PATJ: variants seen among roughly 807,000 people sequenced by gnomAD.
PATJ encodes PATJ crumbs cell polarity complex component, also known as inaD-like protein.
In PATJ, 190 loss-of-function variants were observed where a neutral mutation model predicts 224.9. The observed-to-expected ratio is 0.84, with a 90% CI of 0.75 to 0.95. The LOEUF is 0.95. Ranked by LOEUF, PATJ falls within the 40% of genes least tolerant of loss-of-function variation. The pLI is 0.00. For missense variants in PATJ, 2,121 were observed against 2,270.3 expected (o/e 0.93, Z 1.34); for synonymous variants, 769 against 820.3 (o/e 0.94, Z 1.07).
In PATJ at chr1:61,766,352, G is replaced by T. The variant is rs1570353679; in HGVS notation, c.263G>T (p.Gly88Val). ...SRKGLLVFTD[G>V]SITNGNVHRP... ...AAAGGTTTGTTAGTGTTCACAGATG[G>T]TTCCATCACTAATGGAAATGTCCAC... The change falls in exon 4 of 44, where the codon GGT (glycine) becomes GTT (valine). Residue 88 changes from glycine (G) to valine (V), a missense_variant. Transcript: ENST00000642238. The T allele has an allele frequency of 6.2e-7, 1 of 1,608,388 alleles. No individual in the cohort carries two copies. The highest frequency in any genetic ancestry group is 8.5e-7 in the Non-Finnish European group (1 of 1,175,628).
chr1:62,104,543 C>A (rs1662644913), intron 33 of PATJ, among the ~76,000 whole-genome samples: 1 of 151,978 alleles, frequency 6.6e-6, no homozygotes, highest in South Asian at 2.1e-4. Flanking sequence ...GAAATGTGGC[C>A]TTTTTTTCCC....
At chr1:62,155,155 G>A (rs1219696579) in intron 43 of PATJ, among the ~76,000 whole-genome samples, 3 of 152,194 alleles carry the variant, frequency 2.0e-5, no homozygotes, top group Admixed American at 6.5e-5. Flanking sequence ...TGGGAAGGCT[G>A]CAGAGTTAGC....
In PATJ at chr1:61,861,591, G is replaced by A. The variant is rs767488126; in HGVS notation, c.2363G>A (p.Ser788Asn). 3 of 1,478,794 alleles carry A rather than the reference G, an allele frequency of 2.0e-6. No individual in the cohort carries two copies. The highest frequency in any genetic ancestry group is 2.5e-5 in the East Asian group (1 of 39,704). The allele number at this position is 1,478,794 out of a possible 1,614,324, so 91.6% of individuals were successfully genotyped here. The change falls in exon 19 of 44, where the codon AGC becomes AAC. Residue 788 changes from serine to asparagine, a missense_variant. Ser to Asn is a conservative substitution (Grantham distance 46). Coordinates refer to ENST00000642238, the MANE Select transcript of PATJ (RefSeq NM_001350145.3). ...EEESCYILHS[S>N]SNEDKTEFSG... is the part of the protein sequence containing the mutation. Reference sequence around the variant, plus strand: ...GAAAGTTGTTATATTTTACATTCAAGCAGTAATGAAGACAAGACTGAATTT... The same window carrying A: ...GAAAGTTGTTATATTTTACATTCAAACAGTAATGAAGACAAGACTGAATTT...
chr1:61,844,722 A>T (rs1029505230), intron 17 of PATJ, among the ~76,000 whole-genome samples: 1 of 152,028 alleles, frequency 6.6e-6, no homozygotes, highest in Admixed American at 6.6e-5. Flanking sequence ...GTGTCAGGGG[A>T]GGGACCTGGT....
chr1:62,064,965 C>T (rs540313099), intron 31 of PATJ, among the ~76,000 whole-genome samples: 1 of 152,348 alleles, frequency 6.6e-6, no homozygotes, highest in East Asian at 1.9e-4. Flanking sequence ...TGAGTCAGCA[C>T]TGCCTTCTCT....
chr1:61,920,702 C>CTTTTTTTTTTTTTTTTTTTTTTTTTTT (rs71582652), intron 26 of PATJ, among the ~76,000 whole-genome samples: 1 of 89,508 alleles, frequency 1.1e-5, no homozygotes, highest in African/African-American at 4.3e-5. Flanking sequence ...GTATGGAATT[C>CTTTTTTTTTTTTTTTTTTTTTTTTTTT]TTTTTTTTTT....
chr1:62,144,777 A>AAAAAAATATATATATATATAT (rs377489788), intron 41 of PATJ, among the ~76,000 whole-genome samples: 2 of 119,102 alleles, frequency 1.7e-5, no homozygotes, highest in Non-Finnish European at 3.3e-5. Flanking sequence ...AAAAAAAAAA[A>AAAAAAATATATATATATATAT]ATATATATAT....
At chr1:62,056,716 G>A (rs1220486721) in intron 31 of PATJ, among the ~76,000 whole-genome samples, 1 of 152,182 alleles carries the variant, frequency 6.6e-6, no homozygotes, top group African/African-American at 2.4e-5. Flanking sequence ...CAGGGGCGGA[G>A]GTTGCAGTGA....
At chr1:62,147,510 T>A (rs141752451) in intron 41 of PATJ, among the ~76,000 whole-genome samples, 2 of 152,128 alleles carry the variant, frequency 1.3e-5, no homozygotes, top group African/African-American at 4.8e-5. Flanking sequence ...ACAAAAAAAT[T>A]AGCCAGGGCT....
At chr1:62,107,373 T>C (rs990269246) in intron 33 of PATJ, among the ~76,000 whole-genome samples, 4 of 151,716 alleles carry the variant, frequency 2.6e-5, no homozygotes, top group Non-Finnish European at 4.4e-5. Context: ...CATAATCCAT[T>C]CAGCACTCTT....
rs953830712 is a variant in PATJ at position 61,957,242 on chromosome 1, C to T, written c.3670+29413C>T. On this transcript the variant is annotated intron_variant, in intron 27 of 43. Transcript: ENST00000642238. ...TGGGTATTCTCATGGAACAATGGCT[C>T]ACTAAAGAAAAGGGAATCATTCTGC... Among the ~76,000 whole-genome samples, 3 of 151,496 alleles carry T rather than the reference C, an allele frequency of 2.0e-5. No individual in the cohort carries two copies. The East Asian group carries it at 5.9e-4, about 30-fold the overall frequency.
chr1:61,784,085 T>C (rs980461146), intron 7 of PATJ, among the ~76,000 whole-genome samples: 8 of 152,210 alleles, frequency 5.3e-5, no homozygotes, highest in Admixed American at 3.9e-4. Flanking sequence ...TGTAAGTGTG[T>C]GATACCCTGT....
At chr1:61,822,845 C>A in intron 14 of PATJ, 100 bp from the exon 15 acceptor site, 2 of 1,374,008 alleles carry the variant, frequency 1.5e-6, no homozygotes, top group Admixed American at 2.1e-5. Context: ...TGATCTAATT[C>A]AAGAGGTGGG....
intron 31 of PATJ, among the ~76,000 whole-genome samples, chr1:62,055,041 G>A (rs767017666): frequency 1.3e-5 from 2 of 151,948 alleles, no homozygotes; most frequent in African/African-American, 2.4e-5. Context: ...GCAACAGAGC[G>A]AGACTGTGTC....
At chr1:61,929,310 A>G (rs1490790603) in intron 27 of PATJ, among the ~76,000 whole-genome samples, 1 of 152,150 alleles carries the variant, frequency 6.6e-6, no homozygotes, top group Non-Finnish European at 1.5e-5. Context: ...TCCTAGTTCT[A>G]TTACTTGCTA....
chr1:62,088,823 CATATATATAGAATATATAGAACAT>C (rs1334934281), intron 33 of PATJ, among the ~76,000 whole-genome samples: 27 of 146,528 alleles, frequency 1.8e-4, no homozygotes, highest in South Asian at 4.3e-4. Flanking sequence ...ATATATAGAA[CATATATATAGAATATATAGAACAT>C]ATATATATAG....
In PATJ at chr1:61,990,016, A is replaced by C. The variant is rs913155963; in HGVS notation, c.3671-152A>C. On this transcript the variant is annotated intron_variant, in intron 27 of 43. Coordinates refer to ENST00000642238, the MANE Select transcript of PATJ (RefSeq NM_001350145.3). ...CACACCTGTGAATAGCCACTGCAGC[A>C]CTCCAGTCTGCGCAATATAGCAAGA... 1.5e-4 allele frequency: 93 copies of C among 615,472 alleles called. 1 individual carries two copies. The highest frequency in any genetic ancestry group is 1.3e-4 in the Non-Finnish European group (46 of 361,248). The allele number at this position is 615,472 out of a possible 1,614,324, so 38.1% of individuals were successfully genotyped here. A position where few individuals can be genotyped will look rare whatever the true frequency, so the allele number is the denominator to read the frequency against.
At chr1:62,000,055 A>C (rs967693227) in intron 28 of PATJ, among the ~76,000 whole-genome samples, 1 of 151,588 alleles carries the variant, frequency 6.6e-6, no homozygotes, top group Non-Finnish European at 1.5e-5. Flanking sequence ...TGCCCGGCTA[A>C]TTTTTGTATT....
intron 28 of PATJ, among the ~76,000 whole-genome samples, chr1:62,001,089 G>T (rs1051480830): frequency 6.6e-6 from 1 of 151,564 alleles, no homozygotes; most frequent in Non-Finnish European, 1.5e-5. Context: ...CTGGATATTA[G>T]CCCTTTGTCA....
Sources: gnomAD v4.1 joint callset for allele counts (sites outside exome capture counted in the v4.1 genomes callset) on GRCh38, gnomAD v4.1.1 for gene constraint, MANE v1.5 for transcripts, NCBI Gene and HGNC (gene_info 2026-07-23, HGNC 2026-07-21) for gene names.